Variants in HECTD4 observed in about 807,000 individuals in gnomAD.
HECTD4 encodes probable E3 ubiquitin-protein ligase HECTD4.
Under a neutral mutation model 471.5 loss-of-function variants are expected in HECTD4, and 114 were observed. The observed-to-expected ratio is 0.24, with a 90% CI of 0.21 to 0.28. The LOEUF is 0.28. Ranked by LOEUF, HECTD4 falls within the 10% of genes least tolerant of loss-of-function variation. HECTD4 has a pLI of 1.00. For synonymous variants in HECTD4, 2,012 were observed against 2,256.0 expected (o/e 0.89, Z 3.07); for missense variants, 3,866 against 5,651.5 (o/e 0.68, Z 10.13).
chr12:112,268,078 C>G (rs892682624), intron 13 of HECTD4, among the ~76,000 whole-genome samples: 1 of 152,156 alleles, frequency 6.6e-6, no homozygotes, highest in African/African-American at 2.4e-5. Flanking sequence ...CTGCCATGGC[C>G]CCTCAAAGTG....
At position 112,172,785 on chromosome 12, in the gene HECTD4, G is replaced by T; in HGVS notation, c.11671C>A (p.Gln3891Lys). 6.2e-7 allele frequency: 1 copy of T among 1,613,976 alleles called. No homozygotes were observed. Among genetic ancestry groups the T allele is most frequent in the South Asian group, 1.1e-5 (1 of 91,082 alleles). The part of the protein sequence containing the change: ...WTLEMDVALV[Q>K]YINQLCRHLA... ...TGGCGGCATAGCTGGTTGATGTACT[G>T]CACAAGTGCCACGTCCATCTCCAGG... Residue 3891 changes from glutamine (Q) to lysine (K), a missense_variant, in exon 67 of 76, where the codon CAG becomes AAG. Coordinates refer to ENST00000682272, the MANE Select transcript of HECTD4 (RefSeq NM_001388303.1).
intron 1 of HECTD4, among the ~76,000 whole-genome samples, chr12:112,361,309 C>G (rs1287093721): frequency 6.6e-6 from 1 of 152,094 alleles, no homozygotes; most frequent in Non-Finnish European, 1.5e-5. Flanking sequence ...CAGACAGAGT[C>G]TCACTCTGTC....
chr12:112,258,158 C>T (rs1593983294), intron 20 of HECTD4, among the ~76,000 whole-genome samples: 1 of 151,200 alleles, frequency 6.6e-6, no homozygotes, highest in South Asian at 2.1e-4. Context: ...CACTGCACTC[C>T]AGCCTGGGTG....
chr12:112,237,153 G>A, intron 34 of HECTD4, 55 bp from the exon 35 acceptor site: 7 of 1,487,508 alleles, frequency 4.7e-6, no homozygotes, highest in Non-Finnish European at 6.3e-6. Context: ...GGGTGCCATG[G>A]TGAGCCTGAG....
intron 21 of HECTD4, among the ~76,000 whole-genome samples, chr12:112,255,259 T>TA (rs2033982541): frequency 6.6e-6 from 1 of 152,116 alleles, no homozygotes; most frequent in African/African-American, 2.4e-5. Context: ...GAAATGGGGG[T>TA]AGCCAATGCC....
intron 32 of HECTD4, among the ~76,000 whole-genome samples, chr12:112,242,201 C>T (rs914194675): frequency 1.3e-5 from 2 of 152,002 alleles, no homozygotes; most frequent in Non-Finnish European, 2.9e-5. Context: ...AATGCAAAAA[C>T]AAAACAAAGC....
chr12:112,209,197 G>T (rs2032686025), intron 50 of HECTD4, among the ~76,000 whole-genome samples: 1 of 152,058 alleles, frequency 6.6e-6, no homozygotes, highest in African/African-American at 2.4e-5. Flanking sequence ...ACAGTGTCTG[G>T]CCCTAAACAG....
Position 112,216,297 on chromosome 12 carries a change from G to A in HECTD4, c.7460C>T (p.Ser2487Phe). 2 of 1,550,446 alleles carry A rather than the reference G, an allele frequency of 1.3e-6. No homozygotes were observed. The highest frequency in any genetic ancestry group is 1.7e-6 in the Non-Finnish European group (2 of 1,144,812). Residue 2487 changes from serine to phenylalanine, a missense_variant, in exon 48 of 76, where the codon TCC becomes TTC. By Grantham distance (155) the Ser-to-Phe change is radical. Around this residue, in one of 16 missense-constraint regions of HECTD4, gnomAD observed 617 missense variants for 915.1 expected, o/e 0.67. Coordinates refer to ENST00000682272, the MANE Select transcript of HECTD4 (RefSeq NM_001388303.1). Reference protein sequence around the residue: ...WKSVRLDVTLSPGDVAGIGWE... With the variant: ...WKSVRLDVTLFPGDVAGIGWE... ...AAAGCTCCCACTGCACTCACCGGGG[G>A]AGAGAGTCACGTCTAAGCGAACGCT...
At chr12:112,343,239 G>C (rs2036083899) in intron 1 of HECTD4, among the ~76,000 whole-genome samples, 2 of 152,178 alleles carry the variant, frequency 1.3e-5, no homozygotes, top group Admixed American at 1.3e-4. Context: ...GGTTTAACCT[G>C]CATCCTTGAT....
chr12:112,272,025 A>AT (rs1053119927), intron 11 of HECTD4, among the ~76,000 whole-genome samples: 3 of 151,632 alleles, frequency 2.0e-5, no homozygotes, highest in South Asian at 2.1e-4. Context: ...TCTTGCATTT[A>AT]TTTTTTTTAA....
rs1449001476 is a variant in HECTD4 at position 112,239,005 on chromosome 12, C to T, written c.5290+47G>A. 1.3e-6 allele frequency: 2 copies of T among 1,533,330 alleles called. No homozygotes were observed. The allele number at this position is 1,533,330 out of a possible 1,614,324, so 95.0% of individuals were successfully genotyped here. On this transcript the variant is annotated intron_variant, in intron 34 of 75. Transcript: ENST00000682272. This position sits in a 1 kb window ranked among gnomAD's most constrained non-coding sequence, Gnocchi z 4.9. ...ATAAAAAAACCAATAAACTAACACA[C>T]CAATAGAAGAAATCAGTGAGCTCTA... is the stretch of plus-strand genomic sequence containing the variant.
chr12:112,221,927 C>CT (rs755864566), intron 44 of HECTD4, among the ~76,000 whole-genome samples: 2,445 of 134,484 alleles, frequency 0.018, 91 homozygotes, highest in African/African-American at 0.062. Context: ...GCTGATTTTT[C>CT]TTTTTTTTTT....
chr12:112,213,210 T>C lies in HECTD4; in HGVS notation c.7466-560A>G, dbSNP rs563069423. On this transcript the variant is annotated intron_variant, in intron 48 of 75. Coordinates refer to ENST00000682272, the MANE Select transcript of HECTD4 (RefSeq NM_001388303.1). This position sits in a 1 kb window ranked among gnomAD's most constrained non-coding sequence, Gnocchi z 4.0. ...TCTGTGTTAAATTAGTTACCGCAAT[T>C]ACATATTAAATTTAGCCTTTATTTT... 1.3e-4 allele frequency among the ~76,000 whole-genome samples: 20 copies of C among 152,240 alleles called. No individual in the cohort carries two copies. The highest frequency in any genetic ancestry group is 3.6e-4 in the African/African-American group (15 of 41,540).
At chr12:112,215,044 T>C (rs2032876124) in intron 48 of HECTD4, among the ~76,000 whole-genome samples, 1 of 152,064 alleles carries the variant, frequency 6.6e-6, no homozygotes, top group African/African-American at 2.4e-5. Context: ...TCCCAGCTAT[T>C]TGGGAGGCTA....
chr12:112,286,528 CATACACACACAA>C (rs753161569), intron 7 of HECTD4, among the ~76,000 whole-genome samples: 2 of 151,982 alleles, frequency 1.3e-5, no homozygotes, highest in African/African-American at 2.4e-5. Flanking sequence ...CACACACACA[CATACACACACAA>C]AATTATCCAA....
At chr12:112,232,923 T>C in intron 38 of HECTD4, 81 bp downstream of exon 38, 1 of 1,304,646 alleles carries the variant, frequency 7.7e-7, no homozygotes, top group Non-Finnish European at 1.1e-6. Context: ...ATTTTTTGTT[T>C]TCTTAATTTG....
At chr12:112,309,741 A>G (rs1466867899) in intron 4 of HECTD4, 72 bp from the exon 5 acceptor site, 2 of 720,286 alleles carry the variant, frequency 2.8e-6, no homozygotes, top group Non-Finnish European at 4.4e-6. Flanking sequence ...GCTTTTTCTA[A>G]TGAAAAAGCC....
intron 54 of HECTD4, among the ~76,000 whole-genome samples, chr12:112,202,649 T>C (rs2032462996): frequency 6.6e-6 from 1 of 152,230 alleles, no homozygotes; most frequent in African/African-American, 2.4e-5. Context: ...TCAGGCTTGA[T>C]CTGTATATTA....
intron 55 of HECTD4, among the ~76,000 whole-genome samples, chr12:112,196,524 C>A (rs1260174757): frequency 6.6e-6 from 1 of 152,150 alleles, no homozygotes; most frequent in Non-Finnish European, 1.5e-5. Flanking sequence ...AAGCTGAGAA[C>A]CCCACGGTTC....
Sources: allele counts gnomAD v4.1 joint callset (sites outside exome capture counted in the v4.1 genomes callset), GRCh38; gene constraint gnomAD v4.1.1; regional missense constraint gnomAD v4.1.1; non-coding constraint Gnocchi (gnomAD v3.1); transcripts MANE v1.5; gene names NCBI Gene and HGNC (gene_info 2026-07-23, HGNC 2026-07-21).